The following TTC38 variants were observed in gnomAD, a reference collection of about 807,000 sequenced individuals.
TTC38 encodes the protein tetratricopeptide repeat domain 38.
TTC38 carries 64 observed loss-of-function variants against 64.2 expected under a neutral mutation model. The observed-to-expected ratio is 1.00, with a 90% CI of 0.81 to 1.23. The LOEUF (loss-of-function observed/expected upper bound fraction) is 1.23. TTC38 is among the 50% of genes most tolerant of loss of function. The pLI is 0.00. For missense variants in TTC38, 573 were observed against 615.5 expected, an observed-to-expected ratio of 0.93 and a Z score of 0.73; for synonymous variants, 254 against 249.3, an observed-to-expected ratio of 1.02 and a Z score of -0.18.
rs1936884961 is a variant in TTC38, at chr22:46,271,099, C to T, written c.112-1236C>T. Among the ~76,000 whole-genome samples the T allele has an allele frequency of 6.6e-6, 1 of 152,084 alleles. No individual in the cohort carries two copies. Among genetic ancestry groups the T allele is most frequent in the South Asian group, 2.1e-4 (1 of 4,828 alleles). ...TCTAACTCTCTAAAATAAATGTTTT[C>T]TGTGAATATTTTTAAAACGAATGAA... On this transcript the variant is annotated intron_variant, in intron 2 of 13. Coordinates refer to ENST00000381031, the MANE Select transcript of TTC38 (RefSeq NM_017931.4). The surrounding 1 kb of genome is among the most constrained non-coding windows in gnomAD (Gnocchi z 5.5).
At chr22:46,277,628 A>G (rs6007764) in intron 5 of TTC38, among the ~76,000 whole-genome samples, 5,216 of 141,334 alleles carry the variant, frequency 0.037, 287 homozygotes, top group African/African-American at 0.13. Flanking sequence ...AAAAAAAAAA[A>G]AGAGAGAGAT....
chr22:46,290,254 A>T (rs2077603816), intron 13 of TTC38, among the ~76,000 whole-genome samples: 1 of 152,136 alleles, frequency 6.6e-6, no homozygotes, highest in Non-Finnish European at 1.5e-5. Flanking sequence ...GCTCAGTTAG[A>T]CCTCAGCTCA....
chr22:46,290,198 G>A (rs530020443), intron 13 of TTC38, among the ~76,000 whole-genome samples: 4 of 152,150 alleles, frequency 2.6e-5, no homozygotes, highest in Middle Eastern at 3.4e-3. Context: ...GCCTTTGCAC[G>A]CTTGGAACAC....
At chr22:46,268,399 G>A in intron 1 of TTC38, 115 bp from the exon 2 acceptor site, 1 of 1,154,316 alleles carries the variant, frequency 8.7e-7, no homozygotes, top group South Asian at 1.3e-5. Flanking sequence ...GGGAGCCTGA[G>A]CCCATTTTAC....
rs573877387 is a variant in TTC38, at chr22:46,288,911, C to T, written c.1082+323C>T. Among the ~76,000 whole-genome samples the T allele has an allele frequency of 4.6e-5, 7 of 152,348 alleles. No homozygotes were observed. The East Asian group carries it at 1.4e-3, about 29-fold the overall frequency. ...CACAGTGAAGCCCTGAAGCCAGAGA[C>T]ACCTGCTGCTTACAGGCCCTGAGGT... On this transcript the variant is annotated intron_variant, in intron 11 of 13. Coordinates refer to ENST00000381031, the MANE Select transcript of TTC38 (RefSeq NM_017931.4).
At chr22:46,289,720 C>T in intron 12 of TTC38, 106 bp from the exon 13 acceptor site, 1 of 1,457,870 alleles carries the variant, frequency 6.9e-7, no homozygotes, top group Non-Finnish European at 9.6e-7. Flanking sequence ...GAGGGTGTGG[C>T]ATCAACACCA....
chr22:46,279,887 TG>T (rs1229670551), intron 6 of TTC38, among the ~76,000 whole-genome samples: 3 of 152,166 alleles, frequency 2.0e-5, no homozygotes, highest in African/African-American at 7.2e-5. Context: ...TGAGAGCTCC[TG>T]GGACATTTGG....
Position 46,282,108 on chromosome 22 carries a change from C to T in TTC38, c.735+390C>T. 2.5e-6 allele frequency: 1 copy of T among 400,954 alleles called. No homozygotes were observed. The highest frequency in any genetic ancestry group is 1.9e-5 in the South Asian group (1 of 53,802). 24.8% of individuals were successfully genotyped at this position (400,954 alleles called of 1,614,324 possible). ...GGGGGACAGTGGCTAGGGAAGGCAT[C>T]CTGGAGGGGGCAACCTCTGAGTTGG... is the stretch of plus-strand genomic sequence containing the variant. On this transcript the variant is annotated intron_variant, in intron 7 of 13. Coordinates refer to ENST00000381031, the MANE Select transcript of TTC38 (RefSeq NM_017931.4). This position sits in a 1 kb window ranked among gnomAD's most constrained non-coding sequence, Gnocchi z 4.4.
At position 46,291,238 on chromosome 22, in the gene TTC38, G is replaced by C. The variant is rs548278102; in HGVS notation, c.1316+1339G>C. 6.6e-6 allele frequency among the ~76,000 whole-genome samples: 1 copy of C among 152,244 alleles called. No individual in the cohort carries two copies. The highest frequency in any genetic ancestry group is 1.5e-5 in the Non-Finnish European group (1 of 68,036). ...GTGGTCAAGCCCCCTGGGGAGCTCAGGCTGTGGTGTGGGTGGGAGTTGGTG... is the reference window on the plus strand; with the variant it reads ...GTGGTCAAGCCCCCTGGGGAGCTCACGCTGTGGTGTGGGTGGGAGTTGGTG... On this transcript the variant is annotated intron_variant, in intron 13 of 13. Transcript: ENST00000381031. The surrounding 1 kb of genome is among the most constrained non-coding windows in gnomAD (Gnocchi z 4.6).
intron 8 of TTC38, among the ~76,000 whole-genome samples, chr22:46,284,650 A>G: frequency 6.6e-6 from 1 of 152,108 alleles, no homozygotes; most frequent in Non-Finnish European, 1.5e-5. Context: ...AGGCCAAGGC[A>G]GGCAAATAAC....
chr22:46,284,297 G>A (rs540233551), intron 8 of TTC38, among the ~76,000 whole-genome samples: 3 of 152,282 alleles, frequency 2.0e-5, no homozygotes, highest in Non-Finnish European at 2.9e-5. Flanking sequence ...CCCCAACTCC[G>A]CAGGGTGTAC....
chr22:46,292,702 C>A lies in TTC38; in HGVS notation c.1317-89C>A. 1 of 1,195,800 alleles carries A rather than the reference C, an allele frequency of 8.4e-7. No homozygotes were observed. The highest frequency in any genetic ancestry group is 1.2e-6 in the Non-Finnish European group (1 of 809,434). 74.1% of individuals were successfully genotyped at this position (1,195,800 alleles called of 1,614,324 possible). A position where few individuals can be genotyped will look rare whatever the true frequency, so the allele number is the denominator to read the frequency against. On this transcript the variant is annotated intron_variant, in intron 13 of 13. Transcript: ENST00000381031. This position sits in a 1 kb window ranked among gnomAD's most constrained non-coding sequence, Gnocchi z 6.5. ...TCCCTCAGTGCCGCAGTCTAGCCTG[C>A]CTGTGTTCTGCCTTGGGACCAAGGG...
chr22:46,271,803 G>A lies in TTC38; in HGVS notation c.112-532G>A, dbSNP rs533754982. Among the ~76,000 whole-genome samples, 1 of 152,106 alleles carries A rather than the reference G, an allele frequency of 6.6e-6. No individual in the cohort carries two copies. The highest frequency in any genetic ancestry group is 1.5e-5 in the Non-Finnish European group (1 of 68,026). ...TGGGATTACAGGCGTGAGCCATCGCGCCCAGCCAGAACCTGCCTTTTGATG... is the reference window on the plus strand; with the variant it reads ...TGGGATTACAGGCGTGAGCCATCGCACCCAGCCAGAACCTGCCTTTTGATG... On this transcript the variant is annotated intron_variant, in intron 2 of 13. Coordinates refer to ENST00000381031, the MANE Select transcript of TTC38 (RefSeq NM_017931.4). The surrounding 1 kb of genome is among the most constrained non-coding windows in gnomAD (Gnocchi z 5.5).
At chr22:46,284,917 A>G (rs1232643614) in intron 8 of TTC38, among the ~76,000 whole-genome samples, 1 of 152,088 alleles carries the variant, frequency 6.6e-6, no homozygotes, top group Non-Finnish European at 1.5e-5. Flanking sequence ...AAATACATGA[A>G]AAAGCTTGCA....
rs1273905689 is a variant in TTC38, at chr22:46,291,724, G to A, written c.1317-1067G>A. ...AATCCCAGCACTTTCGGAGGCCAAGGCGGGTGGATCACCTGAGGTCAGGAG... is the reference window on the plus strand; with the variant it reads ...AATCCCAGCACTTTCGGAGGCCAAGACGGGTGGATCACCTGAGGTCAGGAG... On this transcript the variant is annotated intron_variant, in intron 13 of 13. Coordinates refer to ENST00000381031, the MANE Select transcript of TTC38 (RefSeq NM_017931.4). This position sits in a 1 kb window ranked among gnomAD's most constrained non-coding sequence, Gnocchi z 4.6. Among the ~76,000 whole-genome samples, 1 of 152,190 alleles carries A rather than the reference G, an allele frequency of 6.6e-6. No individual in the cohort carries two copies. The highest frequency in any genetic ancestry group is 1.5e-5 in the Non-Finnish European group (1 of 68,036).
chr22:46,287,913 T>A (rs550149246), intron 10 of TTC38, among the ~76,000 whole-genome samples: 1 of 152,174 alleles, frequency 6.6e-6, no homozygotes, highest in Admixed American at 6.5e-5. Flanking sequence ...TACCGGGACA[T>A]AGAAGCCAGC....
In TTC38 at chr22:46,293,193, G is replaced by C. The variant is rs917003202; in HGVS notation, c.*309G>C. The C allele has an allele frequency of 5.2e-5, 18 of 344,328 alleles. 1 individual carries two copies. Among genetic ancestry groups the C allele is most frequent in the African/African-American group, 2.9e-4 (14 of 49,100 alleles). 21.3% of individuals were successfully genotyped at this position (344,328 alleles called of 1,614,324 possible). A position where few individuals can be genotyped will look rare whatever the true frequency, so the allele number is the denominator to read the frequency against. On this transcript the variant is annotated 3_prime_UTR_variant, in exon 14 of 14. Transcript: ENST00000381031. The surrounding 1 kb of genome is among the most constrained non-coding windows in gnomAD (Gnocchi z 6.6). ...TGTGTCTACTGCCTGGTGGTTCAAA[G>C]GTTGGAAGGCAGGGCAGAGGTGGGG... is the stretch of plus-strand genomic sequence containing the variant.
rs146301263 is a variant in TTC38 at position 46,270,728 on chromosome 22, G to A, written c.112-1607G>A. Among the ~76,000 whole-genome samples, 67 of 152,234 alleles carry A rather than the reference G, an allele frequency of 4.4e-4. No individual in the cohort carries two copies. The highest frequency in any genetic ancestry group is 1.5e-3 in the African/African-American group (64 of 41,536). On this transcript the variant is annotated intron_variant, in intron 2 of 13. Transcript: ENST00000381031. This position sits in a 1 kb window ranked among gnomAD's most constrained non-coding sequence, Gnocchi z 4.7. ...CATGGGCCTGTAATCCCAGCTACTC[G>A]GGAGGCTGAGGCAGAGGAATTCTTG...
intron 11 of TTC38, 88 bp from the exon 12 acceptor site, chr22:46,289,314 G>A: frequency 6.7e-7 from 1 of 1,502,914 alleles, no homozygotes; most frequent in Non-Finnish European, 9.0e-7. Context: ...ACTGGACCAG[G>A]GACACCTCGC....
Sources: allele counts gnomAD v4.1 joint callset (sites outside exome capture counted in the v4.1 genomes callset), GRCh38; gene constraint gnomAD v4.1.1; non-coding constraint Gnocchi (gnomAD v3.1); transcripts MANE v1.5; gene names NCBI Gene and HGNC (gene_info 2026-07-23, HGNC 2026-07-21).